Variants in ITPR1 observed in about 807,000 individuals in gnomAD.
ITPR1 encodes inositol 1,4,5-trisphosphate receptor type 1.
Under a neutral mutation model 318.4 loss-of-function variants are expected in ITPR1, and 96 were observed. That is an observed-to-expected ratio of 0.30 (90% CI 0.26 to 0.36). The LOEUF is 0.36. Among genes scored for constraint, ITPR1 ranks in the 10% least tolerant of loss-of-function variants. The pLI is 1.00. For missense variants in ITPR1, 2,440 were observed against 3,460.2 expected, an observed-to-expected ratio of 0.71 and a Z score of 7.40; for synonymous variants, 1,312 against 1,289.9, an observed-to-expected ratio of 1.02 and a Z score of -0.37.
intron 4 of ITPR1, among the ~76,000 whole-genome samples, chr3:4,528,220 T>C (rs924736877): frequency 1.3e-5 from 2 of 152,234 alleles, no homozygotes; most frequent in African/African-American, 4.8e-5. Flanking sequence ...CAAGATTTCA[T>C]CCAGCTTGAA....
At chr3:4,711,394 A>G (rs1488346128) in intron 38 of ITPR1, among the ~76,000 whole-genome samples, 2 of 152,076 alleles carry the variant, frequency 1.3e-5, no homozygotes, top group Non-Finnish European at 2.9e-5. Context: ...TTTGTTTTAC[A>G]GTGTTGGCAT....
In ITPR1 at chr3:4,633,589, C is replaced by T. The variant is rs948728279; in HGVS notation, c.279+5711C>T. On this transcript the variant is annotated intron_variant, in intron 5 of 61. Transcript: ENST00000649015. Reference sequence around the variant, plus strand: ...TTTGAAGGAGAGTGACATCTAGTGGCTGGATACTGTCTATGCTTTTTCCTT... The same window carrying T: ...TTTGAAGGAGAGTGACATCTAGTGGTTGGATACTGTCTATGCTTTTTCCTT... Among the ~76,000 whole-genome samples the T allele has an allele frequency of 2.9e-4, 44 of 152,278 alleles. 1 individual carries two copies. Among genetic ancestry groups the T allele is most frequent in the Middle Eastern group, 3.4e-3 (1 of 294 alleles).
At chr3:4,643,378 CT>C (rs1257080778) in intron 7 of ITPR1, among the ~76,000 whole-genome samples, 1 of 152,150 alleles carries the variant, frequency 6.6e-6, no homozygotes, top group Non-Finnish European at 1.5e-5. Flanking sequence ...TCAGCACATC[CT>C]TTGGTTTCCT....
In ITPR1 at chr3:4,837,678, T is replaced by C. The variant is rs984010311; in HGVS notation, c.8190+743T>C. 5.3e-5 allele frequency among the ~76,000 whole-genome samples: 8 copies of C among 152,078 alleles called. No homozygotes were observed. In the South Asian group the frequency reaches 1.7e-3, roughly 32 times the overall value. On this transcript the variant is annotated intron_variant, in intron 61 of 61. Transcript: ENST00000649015. The stretch of plus-strand genomic sequence containing the variant: ...TAAAGTAAGTTGTAGGGGACATGTT[T>C]ATACAAAACCGTGCGTACTCTGTTT...
chr3:4,607,781 G>C (rs2091805042), intron 4 of ITPR1, among the ~76,000 whole-genome samples: 1 of 152,062 alleles, frequency 6.6e-6, no homozygotes, highest in Admixed American at 6.5e-5. Flanking sequence ...CCAGGTGGAG[G>C]CCATCAGTAG....
intron 60 of ITPR1, among the ~76,000 whole-genome samples, chr3:4,829,482 T>A (rs950661365): frequency 1.3e-5 from 2 of 152,080 alleles, no homozygotes; most frequent in African/African-American, 2.4e-5. Context: ...AGAAAAAAAA[T>A]TAAAAAGAAT....
chr3:4,614,276 A>G (rs1285490317), intron 4 of ITPR1, among the ~76,000 whole-genome samples: 1 of 152,166 alleles, frequency 6.6e-6, no homozygotes, highest in Non-Finnish European at 1.5e-5. Context: ...AAAAAACAAA[A>G]ACAAATAACG....
At chr3:4,664,343 G>A (rs879662696) in intron 16 of ITPR1, among the ~76,000 whole-genome samples, 84 of 152,198 alleles carry the variant, frequency 5.5e-4, no homozygotes, top group African/African-American at 2.0e-3. Flanking sequence ...TAAATGCACA[G>A]AGATGCATAC....
At chr3:4,724,166 A>G (rs925064694) in intron 40 of ITPR1, among the ~76,000 whole-genome samples, 3 of 152,088 alleles carry the variant, frequency 2.0e-5, no homozygotes, top group African/African-American at 7.2e-5. Flanking sequence ...AGATTAGTGG[A>G]GTTGGACTCA....
chr3:4,762,541 G>A (rs1254750510), intron 44 of ITPR1, among the ~76,000 whole-genome samples: 2 of 152,334 alleles, frequency 1.3e-5, no homozygotes, highest in East Asian at 1.9e-4. Flanking sequence ...TCACCTTGGA[G>A]TTTTCACATT....
intron 44 of ITPR1, among the ~76,000 whole-genome samples, chr3:4,752,276 A>C (rs746606219): frequency 1.3e-5 from 2 of 152,208 alleles, no homozygotes; most frequent in Non-Finnish European, 2.9e-5. Context: ...GCTTGTAGCT[A>C]TCAAGTCTGG....
Position 4,826,261 on chromosome 3 carries a change from G to A in ITPR1, c.8028+8019G>A, listed in dbSNP as rs1341876642. Among the ~76,000 whole-genome samples the A allele has an allele frequency of 3.3e-5, 5 of 152,230 alleles. No homozygotes were observed. Among genetic ancestry groups the A allele is most frequent in the Non-Finnish European group, 7.3e-5 (5 of 68,046 alleles). ...TGCCTAGGTATGTTCCTAGAATATT[G>A]ATATTTCAACATTGGTAGTGCTGAG... is the stretch of plus-strand genomic sequence containing the variant. On this transcript the variant is annotated intron_variant, in intron 60 of 61. Coordinates refer to ENST00000649015, the MANE Select transcript of ITPR1 (RefSeq NM_001378452.1). The surrounding 1 kb of genome is among the most constrained non-coding windows in gnomAD (Gnocchi z 4.2).
At chr3:4,790,165 G>A (rs965065626) in intron 52 of ITPR1, among the ~76,000 whole-genome samples, 1 of 151,714 alleles carries the variant, frequency 6.6e-6, no homozygotes, top group African/African-American at 2.4e-5. Context: ...CCCTTTTTTT[G>A]AGATAATGTC....
At chr3:4,521,118 TAGTC>T in intron 4 of ITPR1, 24 bp downstream of exon 4, 1 of 1,551,914 alleles carries the variant, frequency 6.4e-7, no homozygotes, top group East Asian at 2.2e-5. Flanking sequence ...TTTCCTGGAG[TAGTC>T]ACCTTGACTC....
intron 10 of ITPR1, among the ~76,000 whole-genome samples, chr3:4,651,599 A>G (rs1450403174): frequency 2.6e-5 from 4 of 152,198 alleles, no homozygotes; most frequent in Admixed American, 6.5e-5. Context: ...AATTTCATCT[A>G]TTCTCTGCAG....
intron 48 of ITPR1, among the ~76,000 whole-genome samples, chr3:4,777,815 C>T (rs567050816): frequency 1.2e-3 from 181 of 148,426 alleles, no homozygotes; most frequent in Non-Finnish European, 2.2e-3. Flanking sequence ...AAAAAACAAA[C>T]ATGTATTTTT....
chr3:4,675,024 C>T (rs41311607), intron 22 of ITPR1, 44 bp from the exon 23 acceptor site: 15,726 of 1,039,164 alleles, frequency 0.015, 197 homozygotes, highest in Middle Eastern at 0.063. Flanking sequence ...GAAGGGGATG[C>T]AGTTTATGTA....
At chr3:4,696,742 T>G (rs1178285795) in intron 33 of ITPR1, among the ~76,000 whole-genome samples, 1 of 150,488 alleles carries the variant, frequency 6.6e-6, no homozygotes, top group African/African-American at 2.4e-5. Context: ...TTTGCTTACC[T>G]TTTCTCTGGG....
intron 51 of ITPR1, among the ~76,000 whole-genome samples, chr3:4,784,560 T>G (rs1358500757): frequency 6.8e-6 from 1 of 147,706 alleles, no homozygotes; most frequent in African/African-American, 2.5e-5. Context: ...CAGATCTGTG[T>G]TTTTTGTTTT....
Sources: allele counts gnomAD v4.1 joint callset (sites outside exome capture counted in the v4.1 genomes callset), GRCh38; gene constraint gnomAD v4.1.1; non-coding constraint Gnocchi (gnomAD v3.1); transcripts MANE v1.5; gene names NCBI Gene and HGNC (gene_info 2026-07-23, HGNC 2026-07-21).